The following GRM7 variants were observed in gnomAD, a reference collection of about 807,000 sequenced individuals.
GRM7 encodes the protein glutamate metabotropic receptor 7, also known as metabotropic glutamate receptor 7.
In GRM7, 35 loss-of-function variants were observed where a neutral mutation model predicts 84.5. The ratio of observed to expected loss-of-function variants is 0.41; its 90% CI spans 0.32 to 0.55. The LOEUF (loss-of-function observed/expected upper bound fraction) is 0.55, where lower values mean the gene tolerates loss of function less well. GRM7 is among the 20% of genes least tolerant of loss of function. GRM7 has a pLI of 0.19. For synonymous variants in GRM7, 487 were observed against 455.1 expected (o/e 1.07, Z -0.89); for missense variants, 1,003 against 1,194.6 (o/e 0.84, Z 2.36).
At chr3:7,512,892 C>G (rs1700259197) in intron 7 of GRM7, among the ~76,000 whole-genome samples, 1 of 152,014 alleles carries the variant, frequency 6.6e-6, no homozygotes, top group Admixed American at 6.6e-5. Flanking sequence ...TGCCCAGACA[C>G]CCAATGCCAG....
Position 7,060,010 on chromosome 3 carries a change from G to A in GRM7, c.520-86442G>A, listed in dbSNP as rs749615944. On this transcript the variant is annotated intron_variant, in intron 1 of 9. Coordinates refer to ENST00000357716, the MANE Select transcript of GRM7 (RefSeq NM_000844.4). ...GGAGTAGAGTATACATATTCCAGGC[G>A]AAGTCCAAAGGCTATTCCCTCTGTG... Among the ~76,000 whole-genome samples, 7 of 151,806 alleles carry A rather than the reference G, an allele frequency of 4.6e-5. No individual in the cohort carries two copies. In the East Asian group the frequency reaches 5.8e-4, roughly 13 times the overall value.
chr3:7,565,043 C>G (rs1694196355), intron 7 of GRM7, among the ~76,000 whole-genome samples: 1 of 152,158 alleles, frequency 6.6e-6, no homozygotes, highest in Non-Finnish European at 1.5e-5. Flanking sequence ...TATTTAATTC[C>G]CTTTCTTCCT....
At chr3:7,362,930 A>G (rs1157511402) in intron 4 of GRM7, among the ~76,000 whole-genome samples, 4 of 152,062 alleles carry the variant, frequency 2.6e-5, no homozygotes, top group African/African-American at 9.7e-5. Context: ...AGTCTGGGCA[A>G]CATAGCAAGA....
At chr3:7,437,545 A>C (rs1237091672) in intron 5 of GRM7, among the ~76,000 whole-genome samples, 1 of 152,094 alleles carries the variant, frequency 6.6e-6, no homozygotes, top group Admixed American at 6.5e-5. Context: ...AAATTAATTA[A>C]ATATATAAAT....
chr3:7,039,626 T>C (rs1446484463), intron 1 of GRM7, among the ~76,000 whole-genome samples: 3 of 152,166 alleles, frequency 2.0e-5, no homozygotes, highest in Admixed American at 6.5e-5. Context: ...GGACCCATAA[T>C]TTCCATCTAG....
At chr3:7,456,430 T>G (rs563823854) in intron 6 of GRM7, among the ~76,000 whole-genome samples, 1 of 143,336 alleles carries the variant, frequency 7.0e-6, no homozygotes, top group South Asian at 2.3e-4. Context: ...CATAATGGTT[T>G]AGGATGCTAT....
intron 4 of GRM7, among the ~76,000 whole-genome samples, chr3:7,346,193 A>T (rs1183942873): frequency 6.6e-6 from 1 of 152,108 alleles, no homozygotes; most frequent in Non-Finnish European, 1.5e-5. Flanking sequence ...TCTACCGTGT[A>T]CCTAGGTAAT....
intron 1 of GRM7, among the ~76,000 whole-genome samples, chr3:6,891,687 T>G (rs549605368): frequency 6.6e-6 from 1 of 152,344 alleles, no homozygotes; most frequent in African/African-American, 2.4e-5. Flanking sequence ...ATTTCAACTT[T>G]GGCAAATCTG....
chr3:7,327,365 G>C lies in GRM7; in HGVS notation c.1033+20713G>C, dbSNP rs894350000. On this transcript the variant is annotated intron_variant, in intron 4 of 9. Coordinates refer to ENST00000357716, the MANE Select transcript of GRM7 (RefSeq NM_000844.4). ...ACTCCCCTCTGCCTCCTATCAGAAG[G>C]AAGGAAAAGGAGAGGAGAGGAAAGA... 3.3e-5 allele frequency among the ~76,000 whole-genome samples: 5 copies of C among 152,042 alleles called. No individual in the cohort carries two copies. In the East Asian group the frequency reaches 9.7e-4, roughly 29 times the overall value.
At chr3:7,527,955 A>T (rs1039772116) in intron 7 of GRM7, among the ~76,000 whole-genome samples, 1 of 151,986 alleles carries the variant, frequency 6.6e-6, no homozygotes, top group Non-Finnish European at 1.5e-5. Context: ...TGCTGCATCT[A>T]TGTTAATCAG....
At chr3:7,730,449 T>G (rs1392126625) in intron 9 of GRM7, among the ~76,000 whole-genome samples, 1 of 152,190 alleles carries the variant, frequency 6.6e-6, no homozygotes, top group East Asian at 1.9e-4. Flanking sequence ...TAGTAGGTGC[T>G]CAACAGATAC....
intron 2 of GRM7, among the ~76,000 whole-genome samples, chr3:7,209,359 T>G (rs1416473273): frequency 1.3e-5 from 2 of 152,030 alleles, no homozygotes; most frequent in Non-Finnish European, 2.9e-5. Flanking sequence ...CCTAGGAACT[T>G]GAGATATATT....
chr3:7,341,293 G>C (rs1372909709), intron 4 of GRM7, among the ~76,000 whole-genome samples: 1 of 151,954 alleles, frequency 6.6e-6, no homozygotes, highest in African/African-American at 2.4e-5. Flanking sequence ...AATGATAGGA[G>C]ACTATTATTT....
chr3:7,385,551 C>T (rs927798977), intron 4 of GRM7, among the ~76,000 whole-genome samples: 3 of 152,006 alleles, frequency 2.0e-5, no homozygotes, highest in Admixed American at 2.0e-4. Context: ...CCACGCACCT[C>T]GGCCTCCGAA....
chr3:7,304,450 T>G (rs546611822), intron 3 of GRM7, among the ~76,000 whole-genome samples: 74 of 151,878 alleles, frequency 4.9e-4, no homozygotes, highest in African/African-American at 1.7e-3. Context: ...TGCTTGATTT[T>G]CCTCCCATTA....
At chr3:7,735,945 T>C (rs1702485016) in intron 9 of GRM7, among the ~76,000 whole-genome samples, 1 of 152,216 alleles carries the variant, frequency 6.6e-6, no homozygotes, top group Non-Finnish European at 1.5e-5. Flanking sequence ...CTTTAGGTTT[T>C]CTAGATATTT....
intron 8 of GRM7, among the ~76,000 whole-genome samples, chr3:7,585,015 C>T (rs1431206265): frequency 2.6e-5 from 4 of 152,134 alleles, no homozygotes; most frequent in African/African-American, 7.2e-5. Flanking sequence ...TACACACATA[C>T]CCAAACTTAT....
intron 7 of GRM7, among the ~76,000 whole-genome samples, chr3:7,464,239 G>T (rs761064328): frequency 9.0e-6 from 1 of 111,160 alleles, no homozygotes; most frequent in Non-Finnish European, 2.2e-5. Flanking sequence ...GAAGCCAAAT[G>T]AATGGGATAC....
At chr3:6,908,970 G>A (rs189405212) in intron 1 of GRM7, among the ~76,000 whole-genome samples, 5 of 152,078 alleles carry the variant, frequency 3.3e-5, no homozygotes, top group East Asian at 1.9e-4. Context: ...ATTCATGATC[G>A]ACATCATATA....
Sources: gnomAD v4.1 joint callset for allele counts (sites outside exome capture counted in the v4.1 genomes callset) on GRCh38, gnomAD v4.1.1 for gene constraint, MANE v1.5 for transcripts, NCBI Gene and HGNC (gene_info 2026-07-23, HGNC 2026-07-21) for gene names.